IFT20: variants seen among roughly 807,000 people sequenced by gnomAD.
IFT20 encodes intraflagellar transport protein 20 homolog.
IFT20 carries 4 observed loss-of-function variants against 16.9 expected under a neutral mutation model. The ratio of observed to expected loss-of-function variants is 0.24; its 90% CI spans 0.12 to 0.54. The LOEUF (loss-of-function observed/expected upper bound fraction) is 0.54. IFT20 is among the 20% of genes least tolerant of loss of function. IFT20 has a pLI of 0.95. For missense variants in IFT20, 154 were observed against 149.7 expected (o/e 1.03, Z -0.15); for synonymous variants, 48 against 49.9 (o/e 0.96, Z 0.16).
intron 1 of IFT20, 190 bp from the exon 2 acceptor site, chr17:28,332,177 C>A: frequency 6.5e-7 from 1 of 1,538,530 alleles, no homozygotes; most frequent in South Asian, 1.2e-5. Context: ...TAGAGGAGTT[C>A]TGCTCTGAAG....
At chr17:28,330,100 G>A in intron 3 of IFT20, 1 of 578,672 alleles carries the variant, frequency 1.7e-6, no homozygotes, top group Non-Finnish European at 3.0e-6. Context: ...GCTGGGTGTG[G>A]TGGCACACAC....
intron 3 of IFT20, chr17:28,330,151 G>A (rs1430785080): frequency 1.9e-5 from 12 of 621,458 alleles, no homozygotes; most frequent in African/African-American, 5.6e-5. Context: ...TGGGAGAATC[G>A]CTTGAATCTG....
chr17:28,329,331 G>T, intron 3 of IFT20, 55 bp from the exon 4 acceptor site: 3 of 1,377,340 alleles, frequency 2.2e-6, no homozygotes, highest in Admixed American at 1.8e-5. Flanking sequence ...ACAGCATCAA[G>T]TCCTCAAAGT....
intron 1 of IFT20, among the ~76,000 whole-genome samples, chr17:28,334,398 G>C (rs998756102): frequency 6.6e-6 from 1 of 152,272 alleles, no homozygotes; most frequent in Non-Finnish European, 1.5e-5. Context: ...TCCGAGAACA[G>C]AGACTGAGCA....
chr17:28,332,220 A>G (rs1555576696), intron 1 of IFT20: 1 of 1,536,100 alleles, frequency 6.5e-7, no homozygotes, highest in African/African-American at 1.4e-5. Flanking sequence ...GAGGTGTGTC[A>G]TAGGAGCAAG....
chr17:28,329,004 T>C (rs1555575990), intron 4 of IFT20, 169 bp downstream of exon 4: 1 of 628,046 alleles, frequency 1.6e-6, no homozygotes, highest in East Asian at 2.8e-5. Flanking sequence ...TTCTATTTCC[T>C]TCCCATCAAA....
rs1436836699 is a variant in IFT20 at position 28,330,431 on chromosome 17, T to C, written c.213+12A>G. ...CAGGCCAAGATGTAGGCGGAAGACATGCTGATCTTACCTTCATCTTTTCAT... is the reference window on the plus strand; with the variant it reads ...CAGGCCAAGATGTAGGCGGAAGACACGCTGATCTTACCTTCATCTTTTCAT... On this transcript the variant is annotated intron_variant, in intron 3 of 4. Coordinates refer to ENST00000395418, the MANE Select transcript of IFT20 (RefSeq NM_001267776.2). 2 of 1,596,066 alleles carry C rather than the reference T, an allele frequency of 1.3e-6. No homozygotes were observed. The highest frequency in any genetic ancestry group is 1.7e-6 in the Non-Finnish European group (2 of 1,163,618).
At chr17:28,329,140 G>C (rs1267899064) in intron 4 of IFT20, 33 bp downstream of exon 4, 15 of 1,439,274 alleles carry the variant, frequency 1.0e-5, no homozygotes, top group Non-Finnish European at 1.4e-5. Context: ...ATTCAGCTGT[G>C]TAAAGAACTT....
Position 28,330,101 on chromosome 17 carries a change from T to C in IFT20, c.213+342A>G, listed in dbSNP as rs1362691551. 15 of 571,096 alleles carry C rather than the reference T, an allele frequency of 2.6e-5. 1 individual carries two copies. Among genetic ancestry groups the C allele is most frequent in the Non-Finnish European group, 4.6e-5 (15 of 327,352 alleles). The allele number at this position is 571,096 out of a possible 1,614,324, so 35.4% of individuals were successfully genotyped here. ...ATACAAAAACCTCAGCTGGGTGTGG[T>C]GGCACACACCTGTAGTCCCACCTAC... On this transcript the variant is annotated intron_variant, in intron 3 of 4. Coordinates refer to ENST00000395418, the MANE Select transcript of IFT20 (RefSeq NM_001267776.2).
Position 28,330,251 on chromosome 17 carries a change from AT to A in IFT20, c.213+191del, listed in dbSNP as rs781841217. The A allele has an allele frequency of 1.3e-4, 75 of 596,630 alleles. 1 individual carries two copies. Among genetic ancestry groups the A allele is most frequent in the African/African-American group, 3.3e-4 (16 of 49,160 alleles). The allele number at this position is 596,630 out of a possible 1,614,324, so 37.0% of individuals were successfully genotyped here. A position where few individuals can be genotyped will look rare whatever the true frequency, so the allele number is the denominator to read the frequency against. On this transcript the variant is annotated intron_variant, in intron 3 of 4. Coordinates refer to ENST00000395418, the MANE Select transcript of IFT20 (RefSeq NM_001267776.2). ...ACTCTGTCTCAAAAAAAAAAAAAAA[AT>A]AAAGATTAAAGGAAATAAAGATTGG...
Position 28,328,634 on chromosome 17 carries a change from A to G in IFT20, c.*18T>C. ...TTTTTTTGTTTTGCCTTCCTACTAT[A>G]AAAGCGAAATTTTCAGTTCATTTCT... On this transcript the variant is annotated 3_prime_UTR_variant, in exon 5 of 5. Coordinates refer to ENST00000395418, the MANE Select transcript of IFT20 (RefSeq NM_001267776.2). 4 of 1,568,818 alleles carry G rather than the reference A, an allele frequency of 2.5e-6. No individual in the cohort carries two copies. Among genetic ancestry groups the G allele is most frequent in the African/African-American group, 1.4e-5 (1 of 73,118 alleles).
chr17:28,328,834 A>AT, intron 4 of IFT20, 101 bp from the exon 5 acceptor site: 1 of 794,924 alleles, frequency 1.3e-6, no homozygotes, highest in South Asian at 1.6e-5. Context: ...ATTTCAAGAA[A>AT]TGGTGTGAGT....
chr17:28,334,861 C>G (rs1907031960), intron 1 of IFT20, among the ~76,000 whole-genome samples: 1 of 152,186 alleles, frequency 6.6e-6, no homozygotes, highest in South Asian at 2.1e-4. Context: ...TCAGGCATGA[C>G]TCCCATGAAT....
intron 4 of IFT20, 171 bp downstream of exon 4, chr17:28,329,002 C>T (rs1555575989): frequency 2.1e-5 from 13 of 624,670 alleles, no homozygotes; most frequent in Admixed American, 1.3e-4. Context: ...TTTTCTATTT[C>T]CTTCCCATCA....
Position 28,331,871 on chromosome 17 carries a change from C to A in IFT20, c.115G>T (p.Asp39Tyr), listed in dbSNP as rs782696986. 5.0e-6 allele frequency: 8 copies of A among 1,614,122 alleles called. No individual in the cohort carries two copies. Among genetic ancestry groups the A allele is most frequent in the Non-Finnish European group, 6.8e-6 (8 of 1,180,050 alleles). The change falls in exon 2 of 5, where the codon GAC (aspartate) becomes TAC (tyrosine). Residue 39 changes from aspartate (D) to tyrosine (Y), a missense_variant. By Grantham distance (160) the Asp-to-Tyr change is radical (BLOSUM62 -3). Coordinates refer to ENST00000395418, the MANE Select transcript of IFT20 (RefSeq NM_001267776.2). ...CCCCAATACTCACTGTCCACAAAGTCTTTGCACTCTTCCTTCAGCTCTATG... is the reference window on the plus strand; with the variant it reads ...CCCCAATACTCACTGTCCACAAAGTATTTGCACTCTTCCTTCAGCTCTATG... The part of the protein sequence containing the change: ...QTIELKEECK[D>Y]FVDKIGQFQK...
At chr17:28,334,716 C>T (rs1282930056) in intron 1 of IFT20, among the ~76,000 whole-genome samples, 8 of 152,238 alleles carry the variant, frequency 5.3e-5, no homozygotes, top group Non-Finnish European at 1.0e-4. Context: ...ACCGTGGAAA[C>T]AGGAGACTAT....
intron 1 of IFT20, chr17:28,332,232 G>A (rs890995013): frequency 1.3e-6 from 2 of 1,535,124 alleles, no homozygotes; most frequent in Admixed American, 3.9e-5. Flanking sequence ...AGGAGCAAGG[G>A]TCAGGAAAGA....
At chr17:28,330,583 C>A in intron 2 of IFT20, 55 bp from the exon 3 acceptor site, 1 of 1,178,946 alleles carries the variant, frequency 8.5e-7, no homozygotes, top group Non-Finnish European at 1.3e-6. Context: ...CACTCCCCTT[C>A]GGTAGAGTGC....
At chr17:28,332,937 T>C (rs777436671) in intron 1 of IFT20, among the ~76,000 whole-genome samples, 40 of 152,154 alleles carry the variant, frequency 2.6e-4, no homozygotes, top group African/African-American at 3.9e-4. Flanking sequence ...GCTAAGGAGT[T>C]TGGATTTTTT....
Sources: gnomAD v4.1 joint callset for allele counts (sites outside exome capture counted in the v4.1 genomes callset) on GRCh38, gnomAD v4.1.1 for gene constraint, MANE v1.5 for transcripts, NCBI Gene and HGNC (gene_info 2026-07-23, HGNC 2026-07-21) for gene names.